Variants in FNDC1 observed in about 807,000 individuals in gnomAD.
FNDC1 encodes fibronectin type III domain-containing protein 1.
Under a neutral mutation model 168.0 loss-of-function variants are expected in FNDC1, and 96 were observed. The ratio of observed to expected loss-of-function variants is 0.57; its 90% CI spans 0.48 to 0.68. The LOEUF (loss-of-function observed/expected upper bound fraction) is 0.68. Ranked by LOEUF, FNDC1 falls within the 30% of genes least tolerant of loss-of-function variation. FNDC1 has a pLI of 0.00. For missense variants in FNDC1, 2,587 were observed against 2,482.1 expected (o/e 1.04, Z -0.90); for synonymous variants, 1,099 against 1,025.9 (o/e 1.07, Z -1.36).
intron 1 of FNDC1, among the ~76,000 whole-genome samples, chr6:159,182,156 G>C (rs1278594744): frequency 2.6e-5 from 4 of 152,198 alleles, no homozygotes; most frequent in African/African-American, 9.7e-5. Flanking sequence ...TTCAATGCTA[G>C]CACCTAGGGA....
intron 1 of FNDC1, among the ~76,000 whole-genome samples, chr6:159,175,378 T>A (rs1000061143): frequency 6.6e-6 from 1 of 152,124 alleles, no homozygotes; most frequent in African/African-American, 2.4e-5. Context: ...TAATACTCAG[T>A]CTTTGCGGTC....
At chr6:159,223,761 T>A in intron 7 of FNDC1, 116 bp downstream of exon 7, 1 of 619,908 alleles carries the variant, frequency 1.6e-6, no homozygotes, top group Non-Finnish European at 2.9e-6. Context: ...GTCTCTTTTG[T>A]AGCTGAATAG....
chr6:159,236,338 T>A (rs750798842), intron 12 of FNDC1, 23 bp downstream of exon 12: 1 of 1,511,308 alleles, frequency 6.6e-7, no homozygotes, highest in South Asian at 1.1e-5. Context: ...TCTTTACACA[T>A]CCCCGTTGTT....
In FNDC1 at chr6:159,200,046, G is replaced by C; in HGVS notation, c.355G>C (p.Val119Leu). The change falls in exon 3 of 23, where the codon GTG becomes CTG. Residue 119 changes from valine (V) to leucine (L), a missense_variant. Physicochemically the swap from Val to Leu is conservative, Grantham distance 32. Transcript: ENST00000297267. ...VLLTAENHSG[V>L]SRPVYRAESP... ...GCTTACTGCAGAAAACCACAGTGGA[G>C]TGAGCCGTCCTGTTTACAGAGCTGA... The C allele has an allele frequency of 6.2e-7, 1 of 1,605,224 alleles. No homozygotes were observed. The highest frequency in any genetic ancestry group is 8.5e-7 in the Non-Finnish European group (1 of 1,175,688).
intron 4 of FNDC1, among the ~76,000 whole-genome samples, chr6:159,206,892 C>T (rs1193340075): frequency 6.6e-6 from 1 of 152,182 alleles, no homozygotes; most frequent in Non-Finnish European, 1.5e-5. Context: ...CAGAACGAGC[C>T]CTTCCATCTT....
intron 1 of FNDC1, among the ~76,000 whole-genome samples, chr6:159,175,991 G>A (rs767757817): frequency 6.6e-6 from 1 of 152,216 alleles, no homozygotes; most frequent in Non-Finnish European, 1.5e-5. Context: ...CAGAGGTGGT[G>A]AGGCTGATGC....
At chr6:159,195,452 C>G (rs1280851312) in intron 1 of FNDC1, among the ~76,000 whole-genome samples, 5 of 151,934 alleles carry the variant, frequency 3.3e-5, no homozygotes, top group African/African-American at 9.7e-5. Flanking sequence ...GGAGGTCTTA[C>G]AATTTGTTTT....
intron 4 of FNDC1, among the ~76,000 whole-genome samples, chr6:159,210,169 T>C (rs1043699661): frequency 6.6e-6 from 1 of 152,190 alleles, no homozygotes; most frequent in African/African-American, 2.4e-5. Context: ...CCAGTGTGAT[T>C]TGGGAGGCAC....
At chr6:159,258,338 A>G (rs778661051) in intron 18 of FNDC1, among the ~76,000 whole-genome samples, 2 of 152,118 alleles carry the variant, frequency 1.3e-5, no homozygotes, top group Non-Finnish European at 2.9e-5. Context: ...GTGGGTGTAC[A>G]TCTCCAAGTA....
chr6:159,222,646 A>G (rs1165963222), intron 6 of FNDC1, among the ~76,000 whole-genome samples: 1 of 152,272 alleles, frequency 6.6e-6, no homozygotes, highest in Non-Finnish European at 1.5e-5. Flanking sequence ...AAATCTCTGT[A>G]AGAAATTGGC....
At chr6:159,258,553 G>C (rs1443542277) in intron 18 of FNDC1, among the ~76,000 whole-genome samples, 2 of 152,204 alleles carry the variant, frequency 1.3e-5, no homozygotes, top group Non-Finnish European at 2.9e-5. Flanking sequence ...TTGGGAGGAA[G>C]GGTGAGGAGA....
At chr6:159,245,476 A>G (rs968940392) in intron 14 of FNDC1, among the ~76,000 whole-genome samples, 6 of 152,172 alleles carry the variant, frequency 3.9e-5, no homozygotes, top group African/African-American at 1.4e-4. Flanking sequence ...GAGGAAAGGA[A>G]TTCCTACAAT....
At chr6:159,202,592 T>G (rs2114952288) in intron 4 of FNDC1, among the ~76,000 whole-genome samples, 1 of 152,358 alleles carries the variant, frequency 6.6e-6, no homozygotes, top group Admixed American at 6.5e-5. Context: ...CTGTGTTTTA[T>G]TAGAAACCAG....
At position 159,198,421 on chromosome 6, in the gene FNDC1, C is replaced by T. The variant is rs117048201; in HGVS notation, c.304+796C>T. Among the ~76,000 whole-genome samples the T allele has an allele frequency of 3.1e-3, 465 of 152,338 alleles. 1 individual carries two copies. The highest frequency in any genetic ancestry group is 4.5e-3 in the Non-Finnish European group (304 of 68,034). ...CCCTGACCACAGCTGACCACACTTACTCCTTCTCCACCTCCTGCATTTGAC... is the reference window on the plus strand; with the variant it reads ...CCCTGACCACAGCTGACCACACTTATTCCTTCTCCACCTCCTGCATTTGAC... On this transcript the variant is annotated intron_variant, in intron 2 of 22. Transcript: ENST00000297267.
At chr6:159,240,569 G>T (rs1783396546) in intron 14 of FNDC1, among the ~76,000 whole-genome samples, 1 of 152,160 alleles carries the variant, frequency 6.6e-6, no homozygotes, top group Admixed American at 6.5e-5. Flanking sequence ...CTTCCTGTGG[G>T]AGTGTGGGCT....
At chr6:159,210,192 C>T (rs948833272) in intron 4 of FNDC1, among the ~76,000 whole-genome samples, 9 of 152,204 alleles carry the variant, frequency 5.9e-5, no homozygotes, top group African/African-American at 1.9e-4. Context: ...AGAGGACCTT[C>T]CCCTGGAGAA....
At chr6:159,251,579 A>C in intron 17 of FNDC1, 47 bp downstream of exon 17, 4 of 1,518,476 alleles carry the variant, frequency 2.6e-6, no homozygotes, top group Non-Finnish European at 3.6e-6. Flanking sequence ...GTAGGTGGGA[A>C]ATGTGGACAA....
At chr6:159,172,101 T>C (rs1781673356) in intron 1 of FNDC1, among the ~76,000 whole-genome samples, 1 of 152,216 alleles carries the variant, frequency 6.6e-6, no homozygotes, top group Non-Finnish European at 1.5e-5. Context: ...GATGCCACAG[T>C]AAAATTATTA....
chr6:159,271,206 A>G, intron 22 of FNDC1, 121 bp from the exon 23 acceptor site: 1 of 683,738 alleles, frequency 1.5e-6, no homozygotes, highest in East Asian at 2.9e-5. Context: ...ATTTGAAAGT[A>G]GCGTTTTGTC....
Sources: gnomAD v4.1 joint callset for allele counts (sites outside exome capture counted in the v4.1 genomes callset) on GRCh38, gnomAD v4.1.1 for gene constraint, MANE v1.5 for transcripts, NCBI Gene and HGNC (gene_info 2026-07-23, HGNC 2026-07-21) for gene names.